Variants in RELB observed in about 807,000 individuals in gnomAD.
RELB encodes the protein RELB proto-oncogene, NF-kB subunit.
Under a neutral mutation model 55.4 loss-of-function variants are expected in RELB, and 14 were observed. The ratio of observed to expected loss-of-function variants is 0.25; its 90% CI spans 0.17 to 0.40. The LOEUF is 0.40. RELB is among the 10% of genes least tolerant of loss of function. RELB has a pLI of 1.00. For synonymous variants in RELB, 409 were observed against 371.3 expected (o/e 1.10, Z -1.17); for missense variants, 669 against 830.7 (o/e 0.81, Z 2.39).
chr19:45,007,171 T>C (rs1248080023), intron 2 of RELB, among the ~76,000 whole-genome samples: 1 of 152,000 alleles, frequency 6.6e-6, no homozygotes, highest in African/African-American at 2.4e-5. Context: ...GTGCAAAGGC[T>C]GAGGCAGCAC....
rs780499135 is a variant in RELB, at chr19:45,037,845, C to CA, written c.*57dup. The CA allele has an allele frequency of 6.6e-5, 96 of 1,443,938 alleles. No homozygotes were observed. The highest frequency in any genetic ancestry group is 8.6e-5 in the Non-Finnish European group (94 of 1,098,186). 89.4% of individuals were successfully genotyped at this position (1,443,938 alleles called of 1,614,324 possible). On this transcript the variant is annotated 3_prime_UTR_variant, in exon 12 of 12. Transcript: ENST00000221452. ...TGGGGAGGGAGGTGGAGGAGCCGTG[C>CA]AATCCCAACCAGGATGTCTAGCACC...
intron 4 of RELB, among the ~76,000 whole-genome samples, chr19:45,018,163 G>A (rs1971442959): frequency 6.6e-6 from 1 of 151,872 alleles, no homozygotes; most frequent in African/African-American, 2.4e-5. Flanking sequence ...CCAGCACTTT[G>A]GGAGACTAAG....
At chr19:45,034,094 G>A (rs1030798537) in intron 9 of RELB, 150 bp from the exon 10 acceptor site, 6 of 483,696 alleles carry the variant, frequency 1.2e-5, no homozygotes, top group African/African-American at 1.2e-4. Context: ...GGCAGGCAGA[G>A]GTTGCAGTGA....
intron 8 of RELB, among the ~76,000 whole-genome samples, chr19:45,031,766 C>T (rs957130606): frequency 1.1e-4 from 16 of 151,198 alleles, no homozygotes; most frequent in African/African-American, 3.9e-4. Flanking sequence ...TTAGTAGAGA[C>T]GGGGTTTCAC....
intron 4 of RELB, among the ~76,000 whole-genome samples, chr19:45,013,768 G>A (rs1383082967): frequency 6.6e-6 from 1 of 152,032 alleles, no homozygotes; most frequent in Non-Finnish European, 1.5e-5. Flanking sequence ...GGAGGCAGAG[G>A]CTGCGGTGAG....
At chr19:45,014,552 C>A (rs1379051226) in intron 4 of RELB, among the ~76,000 whole-genome samples, 1 of 150,090 alleles carries the variant, frequency 6.7e-6, no homozygotes, top group East Asian at 2.0e-4. Flanking sequence ...GAATCTTGCT[C>A]TGTCACCCAG....
At chr19:45,022,350 G>T in intron 5 of RELB, 140 bp downstream of exon 5, 1 of 786,484 alleles carries the variant, frequency 1.3e-6, no homozygotes, top group East Asian at 2.7e-5. Context: ...AGACAGGCCT[G>T]GGGACAGTGG....
At chr19:45,034,084 GGCAGGCAGAGGTTGCAGTGA>G (rs1447411815) in intron 9 of RELB, among the ~76,000 whole-genome samples, 140 bp from the exon 10 acceptor site, 2 of 151,930 alleles carry the variant, frequency 1.3e-5, no homozygotes, top group East Asian at 3.9e-4. Flanking sequence ...ACTTGAACCT[GGCAGGCAGAGGTTGCAGTGA>G]GCCAAGACCG....
intron 1 of RELB, among the ~76,000 whole-genome samples, chr19:45,002,727 C>T (rs1971229166): frequency 6.6e-6 from 1 of 152,014 alleles, no homozygotes; most frequent in African/African-American, 2.4e-5. Context: ...AAGGAGCGGG[C>T]CCTGAGTGTG....
chr19:45,015,867 G>A (rs1026520246), intron 4 of RELB, among the ~76,000 whole-genome samples: 3 of 152,070 alleles, frequency 2.0e-5, no homozygotes, highest in African/African-American at 7.2e-5. Context: ...AAGCTTTTCA[G>A]AATCTCCTAC....
intron 7 of RELB, among the ~76,000 whole-genome samples, chr19:45,028,550 T>C (rs1430837290): frequency 6.6e-6 from 1 of 151,932 alleles, no homozygotes; most frequent in Non-Finnish European, 1.5e-5. Flanking sequence ...GCCAGGCTGG[T>C]CTCAAACTCC....
chr19:45,032,661 G>T lies in RELB; in HGVS notation c.1119G>T (p.Glu373Asp). The part of the protein sequence containing the change: ...TPPYEDLEIV[E>D]PVTVNVFLQR... ...CCTACGAGGACCTGGAGATTGTCGA[G>T]CCCGTGACAGTCAACGTCTTCCTGC... The change falls in exon 9 of 12, where the codon GAG becomes GAT. Residue 373 changes from glutamate (E) to aspartate (D), a missense_variant. Transcript: ENST00000221452. The T allele has an allele frequency of 1.2e-6, 2 of 1,612,054 alleles. No individual in the cohort carries two copies. Among genetic ancestry groups the T allele is most frequent in the East Asian group, 2.2e-5 (1 of 44,818 alleles).
chr19:45,013,549 G>A (rs2122419245), intron 4 of RELB, among the ~76,000 whole-genome samples: 1 of 152,200 alleles, frequency 6.6e-6, no homozygotes, highest in East Asian at 1.9e-4. Flanking sequence ...CCCACATTCT[G>A]AAGCTGGTCG....
At chr19:45,003,174 T>A (rs1467911149) in intron 2 of RELB, among the ~76,000 whole-genome samples, 178 bp downstream of exon 2, 1 of 152,066 alleles carries the variant, frequency 6.6e-6, no homozygotes, top group Non-Finnish European at 1.5e-5. Flanking sequence ...CTTGGACTGT[T>A]AAGAGCGTGA....
chr19:45,003,555 A>G (rs763014551), intron 2 of RELB: 1 of 516,454 alleles, frequency 1.9e-6, no homozygotes, highest in South Asian at 1.4e-5. Context: ...TTAGAGATTC[A>G]CTGTGGCTTA....
intron 3 of RELB, among the ~76,000 whole-genome samples, chr19:45,010,619 G>C (rs1192272452): frequency 6.6e-6 from 1 of 152,130 alleles, no homozygotes; most frequent in Non-Finnish European, 1.5e-5. Context: ...AGCCAGCATG[G>C]GTTGAATGGG....
At chr19:45,020,845 CCG>C (rs1971476651) in intron 4 of RELB, among the ~76,000 whole-genome samples, 2 of 152,016 alleles carry the variant, frequency 1.3e-5, no homozygotes, top group Non-Finnish European at 2.9e-5. Context: ...GCGTGAGCCA[CCG>C]CACCCGGCCA....
At chr19:45,029,039 C>A in intron 8 of RELB, 47 bp downstream of exon 8, 1 of 1,328,334 alleles carries the variant, frequency 7.5e-7, no homozygotes, top group Non-Finnish European at 1.1e-6. Flanking sequence ...GGTCTGGCAA[C>A]TTGGAGGGGT....
intron 4 of RELB, among the ~76,000 whole-genome samples, chr19:45,015,738 AAAAAAAAAG>A (rs1205175130): frequency 8.8e-6 from 1 of 113,230 alleles, no homozygotes; most frequent in Admixed American, 9.1e-5. Flanking sequence ...CTATCTCAAA[AAAAAAAAAG>A]AAAAAAGAAA....
Sources: allele counts gnomAD v4.1 joint callset (sites outside exome capture counted in the v4.1 genomes callset), GRCh38; gene constraint gnomAD v4.1.1; transcripts MANE v1.5; gene names NCBI Gene and HGNC (gene_info 2026-07-23, HGNC 2026-07-21).